Variants in ARGLU1 observed in about 807,000 individuals in gnomAD.
The protein encoded by ARGLU1 is arginine and glutamate rich 1, also known as arginine and glutamate-rich protein 1.
A neutral mutation model predicts 37.6 loss-of-function variants in ARGLU1; 9 were observed. That is an observed-to-expected ratio of 0.24 (90% CI 0.14 to 0.42). ARGLU1 has a LOEUF of 0.42. ARGLU1 is among the 10% of genes least tolerant of loss of function. ARGLU1 has a pLI of 1.00. For missense variants in ARGLU1, 211 were observed against 359.2 expected (o/e 0.59, Z 3.34); for synonymous variants, 166 against 138.5 (o/e 1.20, Z -1.39).
At chr13:106,547,310 T>TA (rs1215994569) in intron 3 of ARGLU1, among the ~76,000 whole-genome samples, 6 of 152,216 alleles carry the variant, frequency 3.9e-5, no homozygotes, top group Non-Finnish European at 8.8e-5. Context: ...TACATCTTCG[T>TA]AATACTTTAT....
intron 3 of ARGLU1, among the ~76,000 whole-genome samples, chr13:106,547,344 TTTACA>T (rs1316523432): frequency 6.6e-6 from 1 of 152,222 alleles, no homozygotes; most frequent in African/African-American, 2.4e-5. Context: ...TTTTCTGGAA[TTTACA>T]TTATGTACTT....
At chr13:106,561,220 A>C (rs1880791478) in intron 1 of ARGLU1, among the ~76,000 whole-genome samples, 1 of 152,156 alleles carries the variant, frequency 6.6e-6, no homozygotes, top group African/African-American at 2.4e-5. Flanking sequence ...AATCACTGGG[A>C]GCATATAAAA....
Position 106,554,526 on chromosome 13 carries a change from G to C in ARGLU1, c.657+2522C>G, listed in dbSNP as rs111699780. On this transcript the variant is annotated intron_variant, in intron 3 of 3. Transcript: ENST00000400198. ...ACCGTGCCATCTTTATACATTTTTT[G>C]TCTCCTCCTACACAAAGAATACCCT... Among the ~76,000 whole-genome samples the C allele has an allele frequency of 4.6e-3, 706 of 152,214 alleles. 3 individuals are homozygous for C. Among genetic ancestry groups the C allele is most frequent in the Middle Eastern group, 0.024 (7 of 294 alleles).
intron 3 of ARGLU1, among the ~76,000 whole-genome samples, chr13:106,554,891 A>AG (rs1555326934): frequency 2.6e-4 from 5 of 19,406 alleles, no homozygotes; most frequent in Non-Finnish European, 4.8e-4. Context: ...TCAAAAAAAG[A>AG]AAAAAAAAAA....
intron 2 of ARGLU1, 28 bp downstream of exon 2, chr13:106,559,404 C>G (rs1880738482): frequency 6.2e-7 from 1 of 1,612,724 alleles, no homozygotes; most frequent in African/African-American, 1.3e-5. Context: ...CATGGACTGT[C>G]TCTACTTTCC....
rs1880325022 is a variant in ARGLU1 at position 106,543,862 on chromosome 13, C to T, written c.*134G>A. 1 of 757,468 alleles carries T rather than the reference C, an allele frequency of 1.3e-6. No homozygotes were observed. Among genetic ancestry groups the T allele is most frequent in the Non-Finnish European group, 2.0e-6 (1 of 491,508 alleles). The allele number at this position is 757,468 out of a possible 1,614,324, so 46.9% of individuals were successfully genotyped here. On this transcript the variant is annotated 3_prime_UTR_variant, in exon 4 of 4. Transcript: ENST00000400198. ...AAAAAAGGGAATTGCAGAGCATAGC[C>T]CCTATTAGAACAAGCTAACTTTCCA...
At position 106,565,984 on chromosome 13, in the gene ARGLU1, C is replaced by G. The variant is rs116218896; in HGVS notation, c.347+1589G>C. 3.5e-3 allele frequency among the ~76,000 whole-genome samples: 529 copies of G among 152,302 alleles called. 2 individuals carry two copies. The highest frequency in any genetic ancestry group is 0.012 in the African/African-American group (478 of 41,560). ...TTCTAGTGAAAGGCAAGTTATTACT[C>G]TTTGGAGGTCTCCTTTGTTTTCACA... On this transcript the variant is annotated intron_variant, in intron 1 of 3. Coordinates refer to ENST00000400198, the MANE Select transcript of ARGLU1 (RefSeq NM_018011.4).
chr13:106,555,295 A>G (rs977113063), intron 3 of ARGLU1, among the ~76,000 whole-genome samples: 73 of 152,280 alleles, frequency 4.8e-4, no homozygotes, highest in African/African-American at 1.8e-3. Flanking sequence ...CAGGAGGTGG[A>G]GGCTGCAATG....
At chr13:106,550,250 G>A (rs1880501474) in intron 3 of ARGLU1, among the ~76,000 whole-genome samples, 1 of 152,132 alleles carries the variant, frequency 6.6e-6, no homozygotes, top group East Asian at 1.9e-4. Context: ...CTACTTTGGT[G>A]ATTCAAGGCC....
rs9587154 is a variant in ARGLU1, at chr13:106,548,905, C to A, written c.658-4745G>T. On this transcript the variant is annotated intron_variant, in intron 3 of 3. Transcript: ENST00000400198. The stretch of plus-strand genomic sequence containing the variant: ...CTGGGACTACAGGTGCGTGCCACAA[C>A]GCCCGGCTCCTTTTTTTGTAGTATT... 1.8e-3 allele frequency among the ~76,000 whole-genome samples: 275 copies of A among 152,252 alleles called. 2 individuals carry two copies. Among genetic ancestry groups the A allele is most frequent in the African/African-American group, 6.5e-3 (268 of 41,540 alleles).
intron 2 of ARGLU1, chr13:106,558,681 G>C: frequency 2.0e-6 from 2 of 985,414 alleles, no homozygotes; most frequent in Non-Finnish European, 1.2e-6. Context: ...TTCAACTTCT[G>C]CTCCAGCTGC....
At chr13:106,559,689 T>C (rs374457082) in intron 1 of ARGLU1, 32 bp from the exon 2 acceptor site, 10 of 1,581,354 alleles carry the variant, frequency 6.3e-6, no homozygotes, top group Non-Finnish European at 8.6e-6. Flanking sequence ...ACAAGTTAGG[T>C]ATTTACTTTT....
intron 3 of ARGLU1, among the ~76,000 whole-genome samples, chr13:106,547,360 G>C (rs1880419689): frequency 6.6e-6 from 1 of 152,132 alleles, no homozygotes; most frequent in Admixed American, 6.5e-5. Context: ...TTATGTACTT[G>C]TACAGCAATG....
chr13:106,556,831 C>G (rs1880672484), intron 3 of ARGLU1, among the ~76,000 whole-genome samples: 1 of 152,076 alleles, frequency 6.6e-6, no homozygotes, highest in South Asian at 2.1e-4. Context: ...CCCCAGAAAA[C>G]TTGTTTTTTA....
chr13:106,562,355 A>T (rs1193261242), intron 1 of ARGLU1, among the ~76,000 whole-genome samples: 1 of 152,220 alleles, frequency 6.6e-6, no homozygotes, highest in African/African-American at 2.4e-5. Flanking sequence ...TGAATTAAGC[A>T]TGAGTTCATC....
chr13:106,557,315 C>G lies in ARGLU1; in HGVS notation c.574-184G>C. ...TTGGTTTCTAGCACTAAATTTAAAT[C>G]ATCCCTCCCAGTCCAAACAGCAACC... On this transcript the variant is annotated intron_variant, in intron 2 of 3. Transcript: ENST00000400198. This position sits in a 1 kb window ranked among gnomAD's most constrained non-coding sequence, Gnocchi z 5.0. The G allele has an allele frequency of 1.5e-6, 1 of 668,578 alleles. No individual in the cohort carries two copies. The highest frequency in any genetic ancestry group is 2.4e-6 in the Non-Finnish European group (1 of 412,480). The allele number at this position is 668,578 out of a possible 1,614,324, so 41.4% of individuals were successfully genotyped here. A position where few individuals can be genotyped will look rare whatever the true frequency, so the allele number is the denominator to read the frequency against.
At chr13:106,548,684 C>A (rs539752116) in intron 3 of ARGLU1, among the ~76,000 whole-genome samples, 7 of 152,092 alleles carry the variant, frequency 4.6e-5, no homozygotes, top group Admixed American at 2.0e-4. Flanking sequence ...AGTACACACA[C>A]AAAAAAATGT....
intron 3 of ARGLU1, among the ~76,000 whole-genome samples, chr13:106,551,644 A>G (rs1040449599): frequency 6.6e-6 from 1 of 152,206 alleles, no homozygotes; most frequent in Non-Finnish European, 1.5e-5. Flanking sequence ...GGAGTCTGAA[A>G]TCAGTATCAC....
chr13:106,566,614 T>C (rs1020586834), intron 1 of ARGLU1, among the ~76,000 whole-genome samples: 1 of 152,202 alleles, frequency 6.6e-6, no homozygotes, highest in African/African-American at 2.4e-5. Context: ...AATCCCTAAA[T>C]TTTAAAACCC....
Sources: allele counts gnomAD v4.1 joint callset (sites outside exome capture counted in the v4.1 genomes callset), GRCh38; gene constraint gnomAD v4.1.1; non-coding constraint Gnocchi (gnomAD v3.1); transcripts MANE v1.5; gene names NCBI Gene and HGNC (gene_info 2026-07-23, HGNC 2026-07-21).